The following SEPTIN9 variants were observed in gnomAD, a reference collection of about 807,000 sequenced individuals.
SEPTIN9 encodes septin-9.
Under a neutral mutation model 56.6 loss-of-function variants are expected in SEPTIN9, and 13 were observed. That is an observed-to-expected ratio of 0.23 (90% CI 0.15 to 0.37). The LOEUF (loss-of-function observed/expected upper bound fraction) is 0.37, where lower values mean the gene tolerates loss of function less well. Ranked by LOEUF, SEPTIN9 falls within the 10% of genes least tolerant of loss-of-function variation. SEPTIN9 has a pLI of 1.00. For synonymous variants in SEPTIN9, 332 were observed against 334.1 expected, an observed-to-expected ratio of 0.99 and a Z score of 0.07; for missense variants, 650 against 823.1, an observed-to-expected ratio of 0.79 and a Z score of 2.57.
chr17:77,441,145 G>GGCTGA (rs1313700665), intron 3 of SEPTIN9, among the ~76,000 whole-genome samples: 3 of 152,218 alleles, frequency 2.0e-5, no homozygotes, highest in Non-Finnish European at 4.4e-5. Context: ...GGCTGGGCTG[G>GGCTGA]TTTGGGCCCA....
chr17:77,323,305 G>A lies in SEPTIN9; in HGVS notation c.76+16108G>A, dbSNP rs1270971496. ...AGGCCACTCCTTCCAGCCAAGGGTC[G>A]GAGCTTTTTTTTTGTTCTGGAACGG... On this transcript the variant is annotated intron_variant, in intron 2 of 11. Transcript: ENST00000427177. This position sits in a 1 kb window ranked among gnomAD's most constrained non-coding sequence, Gnocchi z 6.8. Among the ~76,000 whole-genome samples, 3 of 152,128 alleles carry A rather than the reference G, an allele frequency of 2.0e-5. No homozygotes were observed. Among genetic ancestry groups the A allele is most frequent in the African/African-American group, 7.2e-5 (3 of 41,412 alleles).
chr17:77,423,292 T>A, intron 3 of SEPTIN9, among the ~76,000 whole-genome samples: 1 of 152,180 alleles, frequency 6.6e-6, no homozygotes, highest in East Asian at 1.9e-4. Context: ...CGCCTCAGCC[T>A]CCCAAAGTGC....
chr17:77,485,058 TG>T lies in SEPTIN9; in HGVS notation c.914-2364del, dbSNP rs138383414. Among the ~76,000 whole-genome samples, 87 of 13,992 alleles carry T rather than the reference TG, an allele frequency of 6.2e-3. 20 individuals are homozygous for T. The highest frequency in any genetic ancestry group is 0.011 in the Non-Finnish European group (40 of 3,634). The allele number at this position is 13,992 out of a possible 152,430, so 9.2% of individuals were successfully genotyped here. On this transcript the variant is annotated intron_variant, in intron 4 of 11. Coordinates refer to ENST00000427177, the MANE Select transcript of SEPTIN9 (RefSeq NM_001113491.2). The stretch of plus-strand genomic sequence containing the variant: ...AAGGGGGTGATGGTGGTGATTGTGG[TG>T]GTGGTAATGGTGATGGTGGTAAAGG...
chr17:77,472,907 G>C (rs1339648597), intron 3 of SEPTIN9: 1 of 152,204 alleles, frequency 6.6e-6, no homozygotes, highest in Non-Finnish European at 1.5e-5. Context: ...TGCACAATTT[G>C]GTCATTTATA....
Position 77,323,901 on chromosome 17 carries a change from A to T in SEPTIN9, c.76+16704A>T, listed in dbSNP as rs1392103214. On this transcript the variant is annotated intron_variant, in intron 2 of 11. Coordinates refer to ENST00000427177, the MANE Select transcript of SEPTIN9 (RefSeq NM_001113491.2). The surrounding 1 kb of genome is among the most constrained non-coding windows in gnomAD (Gnocchi z 6.8). ...CCTGTAGTGGTTTCCTGGGGCTGCC[A>T]TCACCAAGTGCCACAAACTGGGTGG... 6.6e-6 allele frequency: 1 copy of T among 152,198 alleles called. No individual in the cohort carries two copies. The highest frequency in any genetic ancestry group is 1.9e-4 in the East Asian group (1 of 5,194). 9.4% of individuals were successfully genotyped at this position (152,198 alleles called of 1,614,324 possible).
At chr17:77,409,450 C>T (rs935672530) in intron 3 of SEPTIN9, among the ~76,000 whole-genome samples, 13 of 152,106 alleles carry the variant, frequency 8.5e-5, no homozygotes, top group African/African-American at 2.9e-4. Context: ...AGGGCTGGTC[C>T]GGGAATGCAG....
Position 77,326,498 on chromosome 17 carries a change from C to T in SEPTIN9, c.76+19301C>T, listed in dbSNP as rs1056758586. Among the ~76,000 whole-genome samples, 1 of 152,154 alleles carries T rather than the reference C, an allele frequency of 6.6e-6. No homozygotes were observed. The highest frequency in any genetic ancestry group is 1.5e-5 in the Non-Finnish European group (1 of 68,038). ...CAGGCTCAAACCCAGCAGGCAGAGG[C>T]GATCGCTGCAGGCAACCGGCAATGT... On this transcript the variant is annotated intron_variant, in intron 2 of 11. Coordinates refer to ENST00000427177, the MANE Select transcript of SEPTIN9 (RefSeq NM_001113491.2). The surrounding 1 kb of genome is among the most constrained non-coding windows in gnomAD (Gnocchi z 5.1).
intron 6 of SEPTIN9, among the ~76,000 whole-genome samples, 179 bp downstream of exon 6, chr17:77,488,500 T>C (rs2039890663): frequency 6.6e-6 from 1 of 152,152 alleles, no homozygotes; most frequent in South Asian, 2.1e-4. Flanking sequence ...AAAGCAGAAT[T>C]ACCTGGGGAA....
chr17:77,494,107 C>T (rs571480178), intron 10 of SEPTIN9, among the ~76,000 whole-genome samples: 1 of 151,010 alleles, frequency 6.6e-6, no homozygotes, highest in Non-Finnish European at 1.5e-5. Context: ...ACAAGGATGC[C>T]TGTCTTTGGA....
chr17:77,498,669 G>GGCCCCCCC lies in SEPTIN9; in HGVS notation c.*11_*12insGCCCCCCC. 6.5e-7 allele frequency: 1 copy of GGCCCCCCC among 1,550,296 alleles called. No individual in the cohort carries two copies. The highest frequency in any genetic ancestry group is 8.7e-7 in the Non-Finnish European group (1 of 1,149,428). ...GCCCCGGAGATGTAGACGCCACCCT[G>GGCCCCCCC]CCCACCCCCGGGATCCTGCCCCCAA... On this transcript the variant is annotated 3_prime_UTR_variant, in exon 12 of 12. Transcript: ENST00000427177.
chr17:77,474,438 G>C (rs1598431321), intron 3 of SEPTIN9, among the ~76,000 whole-genome samples: 1 of 152,342 alleles, frequency 6.6e-6, no homozygotes, highest in South Asian at 2.1e-4. Flanking sequence ...ATAGGCCTGG[G>C]GTGGCTCTAA....
At chr17:77,340,901 C>T (rs1170396746) in intron 2 of SEPTIN9, among the ~76,000 whole-genome samples, 1 of 152,272 alleles carries the variant, frequency 6.6e-6, no homozygotes, top group Non-Finnish European at 1.5e-5. Context: ...CTGCTAGCCT[C>T]AAACTTTCCT....
In SEPTIN9 at chr17:77,492,541, TG is replaced by T; in HGVS notation, c.1381-78del. The T allele has an allele frequency of 1.6e-6, 2 of 1,268,252 alleles. No individual in the cohort carries two copies. The highest frequency in any genetic ancestry group is 2.3e-6 in the Non-Finnish European group (2 of 864,956). 78.6% of individuals were successfully genotyped at this position (1,268,252 alleles called of 1,614,324 possible). A position where few individuals can be genotyped will look rare whatever the true frequency, so the allele number is the denominator to read the frequency against. ...CCCGAGCCTGGGGCAGCACACAGTG[TG>T]GAGGTCATGTGGCAAACACCAGTGG... On this transcript the variant is annotated intron_variant, in intron 8 of 11. Coordinates refer to ENST00000427177, the MANE Select transcript of SEPTIN9 (RefSeq NM_001113491.2). The surrounding 1 kb of genome is among the most constrained non-coding windows in gnomAD (Gnocchi z 5.4).
chr17:77,355,132 A>G (rs567689672), intron 2 of SEPTIN9, among the ~76,000 whole-genome samples: 36 of 152,240 alleles, frequency 2.4e-4, no homozygotes, highest in Admixed American at 7.2e-4. Flanking sequence ...TGTGGAATGA[A>G]TGGGCCTATA....
intron 2 of SEPTIN9, among the ~76,000 whole-genome samples, chr17:77,381,516 G>A (rs1350594355): frequency 6.6e-6 from 1 of 152,236 alleles, no homozygotes; most frequent in Admixed American, 6.5e-5. Flanking sequence ...CCTGCCCTAT[G>A]TCCCCCAGAG....
chr17:77,413,962 T>C (rs1342195999), intron 3 of SEPTIN9, among the ~76,000 whole-genome samples: 1 of 147,188 alleles, frequency 6.8e-6, no homozygotes, highest in Non-Finnish European at 1.5e-5. Flanking sequence ...TTTTTTCCCC[T>C]CTCTCTTTTT....
chr17:77,392,577 A>C (rs1234843729), intron 2 of SEPTIN9, among the ~76,000 whole-genome samples: 4 of 152,042 alleles, frequency 2.6e-5, no homozygotes, highest in East Asian at 3.9e-4. Flanking sequence ...CTGGGCCGGC[A>C]CTGGAGGCGG....
At chr17:77,325,926 G>A (rs555077459) in intron 2 of SEPTIN9, among the ~76,000 whole-genome samples, 2 of 152,280 alleles carry the variant, frequency 1.3e-5, no homozygotes, top group South Asian at 2.1e-4. Flanking sequence ...TTCCCTTGGG[G>A]CTCTCCTAGC....
intron 2 of SEPTIN9, among the ~76,000 whole-genome samples, chr17:77,383,383 G>A (rs1387523881): frequency 6.6e-6 from 1 of 152,024 alleles, no homozygotes; most frequent in East Asian, 1.9e-4. Flanking sequence ...TAATCCCCAC[G>A]AGAGCCCAAC....
Sources: allele counts gnomAD v4.1 joint callset (sites outside exome capture counted in the v4.1 genomes callset), GRCh38; gene constraint gnomAD v4.1.1; non-coding constraint Gnocchi (gnomAD v3.1); transcripts MANE v1.5; gene names NCBI Gene and HGNC (gene_info 2026-07-23, HGNC 2026-07-21).